RECQL5: variants seen among roughly 807,000 people sequenced by gnomAD.
RECQL5 encodes RecQ like helicase 5.
In RECQL5, 88 loss-of-function variants were observed where a neutral mutation model predicts 103.4. The ratio of observed to expected loss-of-function variants is 0.85; its 90% CI spans 0.72 to 1.02. The LOEUF is 1.02. RECQL5 is among the 50% of genes least tolerant of loss of function. The pLI is 0.00. For synonymous variants in RECQL5, 552 were observed against 507.9 expected (o/e 1.09, Z -1.17); for missense variants, 1,232 against 1,284.3 (o/e 0.96, Z 0.62).
At chr17:75,649,736 C>T (rs2059531464) in intron 8 of RECQL5, 2 of 985,368 alleles carry the variant, frequency 2.0e-6, no homozygotes, top group Non-Finnish European at 2.4e-6. Context: ...GCGTTTATTC[C>T]AGCCTGCTGC....
rs749660047 is a variant in RECQL5, at chr17:75,631,418, C to T, written c.1448+32G>A. ...CCAAGGGAATGCCAGGCAATTCCAGCGGGTTGGAGCCCTGGCTTCTCGGCC... is the reference window on the plus strand; with the variant it reads ...CCAAGGGAATGCCAGGCAATTCCAGTGGGTTGGAGCCCTGGCTTCTCGGCC... On this transcript the variant is annotated intron_variant, in intron 9 of 19. Transcript: ENST00000317905. 1.4e-4 allele frequency: 220 copies of T among 1,595,768 alleles called. 1 individual carries two copies. Among genetic ancestry groups the T allele is most frequent in the South Asian group, 6.1e-4 (55 of 90,700 alleles).
In RECQL5 at chr17:75,631,451, T is replaced by A; in HGVS notation, c.1447A>T (p.Arg483Trp). ...GGRKGYGDFS[R>W]YDEGSGGSGD... ...AGCCCTGGCTTCTCGGCCCCTTACC[T>A]GCTGAAGTCCCCGTAGCCCTTGCGG... Residue 483 changes from arginine (R) to tryptophan (W), a missense_variant and splice_region_variant, in exon 9 of 20, where the codon AGG (arginine) becomes TGG (tryptophan). Arg to Trp is a moderately radical substitution (Grantham distance 101). Coordinates refer to ENST00000317905, the MANE Select transcript of RECQL5 (RefSeq NM_004259.7). 6.2e-7 allele frequency: 1 copy of A among 1,606,076 alleles called. No individual in the cohort carries two copies. Among genetic ancestry groups the A allele is most frequent in the Non-Finnish European group, 8.5e-7 (1 of 1,174,056 alleles).
intron 7 of RECQL5, among the ~76,000 whole-genome samples, chr17:75,653,760 T>A (rs1263766021): frequency 6.6e-6 from 1 of 151,882 alleles, no homozygotes; most frequent in African/African-American, 2.4e-5. Context: ...TAGCCAGGCG[T>A]GGTGGTGGGC....
chr17:75,645,652 C>G (rs1599027651), intron 8 of RECQL5, among the ~76,000 whole-genome samples: 1 of 152,184 alleles, frequency 6.6e-6, no homozygotes, highest in Admixed American at 6.5e-5. Context: ...TGCCAAGGGC[C>G]TTAGTCAGTA....
rs148336076 is a variant in RECQL5, at chr17:75,658,391, C to T, written c.1056G>A (p.Arg352=). The change falls in exon 7 of 20, where the codon AGG becomes AGA. Residue 352 remains arginine (R), a synonymous_variant. Transcript: ENST00000317905. ...GACGGCACCAGGAAGGCTTCCCATCCCTGCCAGCCCGGCCAGACTCCTGGT... is the reference window on the plus strand; with the variant it reads ...GACGGCACCAGGAAGGCTTCCCATCTCTGCCAGCCCGGCCAGACTCCTGGT... The part of the protein sequence containing the change: ...GYYQESGRAG[R]DGKPSWCRLY... The T allele has an allele frequency of 5.9e-5, 95 of 1,614,084 alleles. 1 individual carries two copies. In the African/African-American group the frequency reaches 1.2e-3, roughly 20 times the overall value.
intron 3 of RECQL5, among the ~76,000 whole-genome samples, chr17:75,664,054 C>CAA (rs34569441): frequency 0.28 from 29,491 of 105,050 alleles, 4,690 homozygotes; most frequent in East Asian, 0.5. Flanking sequence ...AACTCCATCT[C>CAA]AAAAAAAAAA....
At chr17:75,638,060 C>T (rs1172044204) in intron 8 of RECQL5, 2 of 152,218 alleles carry the variant, frequency 1.3e-5, no homozygotes, top group East Asian at 1.9e-4. Context: ...TCCACAGAAA[C>T]GCACTCACTC....
At chr17:75,630,874 C>T in intron 11 of RECQL5, 37 bp from the exon 12 acceptor site, 2 of 1,518,598 alleles carry the variant, frequency 1.3e-6, no homozygotes, top group Admixed American at 4.0e-5. Flanking sequence ...TCCTTTCGCT[C>T]CACCTTCTGC....
In RECQL5 at chr17:75,661,561, A is replaced by C. The variant is rs755653302; in HGVS notation, c.874+45T>G. The C allele has an allele frequency of 3.0e-6, 4 of 1,331,248 alleles. No individual in the cohort carries two copies. In the South Asian group the frequency reaches 4.8e-5, roughly 16 times the overall value. 82.5% of individuals were successfully genotyped at this position (1,331,248 alleles called of 1,614,324 possible). On this transcript the variant is annotated intron_variant, in intron 5 of 19. Coordinates refer to ENST00000317905, the MANE Select transcript of RECQL5 (RefSeq NM_004259.7). ...GTAAAGAACAAGAGACCAGCTAAGAAGCCTCTGAGGGTGAAGAGACTCAAG... is the reference window on the plus strand; with the variant it reads ...GTAAAGAACAAGAGACCAGCTAAGACGCCTCTGAGGGTGAAGAGACTCAAG...
chr17:75,654,415 T>C (rs820210), intron 7 of RECQL5, among the ~76,000 whole-genome samples: 51,589 of 152,018 alleles, frequency 0.34, 9,006 homozygotes, highest in East Asian at 0.54. Flanking sequence ...CGGACTACTC[T>C]CCAATATTGT....
At chr17:75,635,870 G>GT (rs1568265127) in intron 8 of RECQL5, 3 of 985,352 alleles carry the variant, frequency 3.0e-6, no homozygotes, top group African/African-American at 3.5e-5. Context: ...TGGGGTTGGA[G>GT]TATCAGCTCT....
Position 75,667,054 on chromosome 17 carries a change from C to A in RECQL5, c.-25G>T, listed in dbSNP as rs564212086. Reference sequence around the variant, plus strand: ...TTCACCCTAAGATATCAGAACCGGCCGTGGTCCGCCCAAGAATTAAAGGCT... The same window carrying A: ...TTCACCCTAAGATATCAGAACCGGCAGTGGTCCGCCCAAGAATTAAAGGCT... On this transcript the variant is annotated 5_prime_UTR_variant, in exon 1 of 20. Coordinates refer to ENST00000317905, the MANE Select transcript of RECQL5 (RefSeq NM_004259.7). 9 of 342,784 alleles carry A rather than the reference C, an allele frequency of 2.6e-5. No individual in the cohort carries two copies. The East Asian group carries it at 7.2e-4, about 27-fold the overall frequency. 21.2% of individuals were successfully genotyped at this position (342,784 alleles called of 1,614,324 possible).
chr17:75,647,438 AC>A (rs1377194033), intron 8 of RECQL5: 2 of 1,550,050 alleles, frequency 1.3e-6, no homozygotes, highest in African/African-American at 1.4e-5. Flanking sequence ...AACCCCTGGG[AC>A]CAGGGGGGCC....
At chr17:75,634,277 G>A (rs1001497845) in intron 8 of RECQL5, 65 of 984,020 alleles carry the variant, frequency 6.6e-5, no homozygotes, top group Admixed American at 1.8e-4. Flanking sequence ...AGGGTGAAGG[G>A]CCACAGTCTA....
chr17:75,633,739 C>T lies in RECQL5; in HGVS notation c.1230-2071G>A, dbSNP rs1255468457. 1.0e-5 allele frequency: 11 copies of T among 1,067,230 alleles called. 1 individual carries two copies. The East Asian group carries it at 6.7e-4, about 65-fold the overall frequency. The allele number at this position is 1,067,230 out of a possible 1,614,324, so 66.1% of individuals were successfully genotyped here. A position where few individuals can be genotyped will look rare whatever the true frequency, so the allele number is the denominator to read the frequency against. On this transcript the variant is annotated intron_variant, in intron 8 of 19. Transcript: ENST00000317905. ...AGGGTGGGTGCCCCAGACCTGAGAG[C>T]GCTGCAGGACTCCCCTCCACAGGCT...
intron 8 of RECQL5, chr17:75,647,527 A>G: frequency 1.9e-6 from 3 of 1,550,266 alleles, no homozygotes; most frequent in Non-Finnish European, 2.6e-6. Context: ...ACTCACTTCC[A>G]CAGAAAACAC....
intron 7 of RECQL5, among the ~76,000 whole-genome samples, chr17:75,653,231 C>G (rs958612144): frequency 6.6e-6 from 1 of 152,250 alleles, no homozygotes; most frequent in African/African-American, 2.4e-5. Flanking sequence ...AAGACCTCTG[C>G]ACCCTTATCC....
intron 7 of RECQL5, among the ~76,000 whole-genome samples, chr17:75,653,005 G>A (rs143600467): frequency 3.3e-5 from 5 of 152,174 alleles, no homozygotes; most frequent in Non-Finnish European, 5.9e-5. Context: ...GGAAACCCAA[G>A]GCATGACTGC....
In RECQL5 at chr17:75,627,509, G is replaced by T; in HGVS notation, c.2889C>A (p.Ala963=). Residue 963 remains alanine, a synonymous_variant, in exon 20 of 20, where the codon GCC becomes GCA. Transcript: ENST00000317905. ...GGAAGAAGTGCCTGATGAGGTTCTG[G>T]GCCTCTTCTTTCACTACAGATTCAG... is the stretch of plus-strand genomic sequence containing the variant. ...TSPGRSVKEE[A]QNLIRHFFHG... The T allele has an allele frequency of 6.2e-7, 1 of 1,613,902 alleles. No homozygotes were observed. Among genetic ancestry groups the T allele is most frequent in the Middle Eastern group, 1.6e-4 (1 of 6,062 alleles).
Sources: gnomAD v4.1 joint callset for allele counts (sites outside exome capture counted in the v4.1 genomes callset) on GRCh38, gnomAD v4.1.1 for gene constraint, MANE v1.5 for transcripts, NCBI Gene and HGNC (gene_info 2026-07-23, HGNC 2026-07-21) for gene names.